Variants in UBAC2 observed in about 807,000 individuals in gnomAD.
The protein encoded by UBAC2 is ubiquitin-associated domain-containing protein 2.
In UBAC2, 26 loss-of-function variants were observed where a neutral mutation model predicts 44.0. The observed-to-expected ratio is 0.59, with a 90% CI of 0.43 to 0.82. The LOEUF is 0.82. Ranked by LOEUF, UBAC2 falls within the 40% of genes least tolerant of loss-of-function variation. The pLI, the probability that UBAC2 is intolerant of heterozygous loss-of-function variation, is 0.00. For synonymous variants in UBAC2, 155 were observed against 154.3 expected, an observed-to-expected ratio of 1.00 and a Z score of -0.04; for missense variants, 329 against 419.4, an observed-to-expected ratio of 0.78 and a Z score of 1.88.
intron 8 of UBAC2, among the ~76,000 whole-genome samples, chr13:99,376,477 G>C (rs528789229): frequency 6.6e-6 from 1 of 152,212 alleles, no homozygotes; most frequent in Non-Finnish European, 1.5e-5. Context: ...CTTCATCCCC[G>C]TGAGGGCGGA....
At chr13:99,270,855 A>G (rs1370910480) in intron 4 of UBAC2, among the ~76,000 whole-genome samples, 2 of 152,258 alleles carry the variant, frequency 1.3e-5, no homozygotes, top group African/African-American at 4.8e-5. Context: ...GGAAGAGAAT[A>G]GCTTGACACT....
Position 99,201,694 on chromosome 13 carries a change from A to G in UBAC2, c.31+755A>G, listed in dbSNP as rs1172003377. The G allele has an allele frequency of 2.0e-5, 20 of 1,003,394 alleles. No homozygotes were observed. The South Asian group carries it at 3.0e-4, about 15-fold the overall frequency. 62.2% of individuals were successfully genotyped at this position (1,003,394 alleles called of 1,614,324 possible). A position where few individuals can be genotyped will look rare whatever the true frequency, so the allele number is the denominator to read the frequency against. ...GGGTACAGCAACGGAGAACAGCTCT[A>G]ATTTTGCAATTGCTTGTCACTGTTC... On this transcript the variant is annotated intron_variant, in intron 1 of 8. Transcript: ENST00000403766.
At chr13:99,290,016 G>A (rs1231903129) in intron 4 of UBAC2, among the ~76,000 whole-genome samples, 1 of 152,156 alleles carries the variant, frequency 6.6e-6, no homozygotes, top group Admixed American at 6.5e-5. Flanking sequence ...CTGAGGACCT[G>A]GAACATATCT....
intron 7 of UBAC2, among the ~76,000 whole-genome samples, chr13:99,363,280 T>C (rs2045289271): frequency 6.6e-6 from 1 of 152,214 alleles, no homozygotes; most frequent in Admixed American, 6.5e-5. Flanking sequence ...AGAAATCCTT[T>C]CTTATATTTC....
At chr13:99,225,891 T>A (rs1353757786) in intron 1 of UBAC2, among the ~76,000 whole-genome samples, 1 of 152,238 alleles carries the variant, frequency 6.6e-6, no homozygotes, top group Non-Finnish European at 1.5e-5. Context: ...CAGCGTTTAT[T>A]TTTTAGTGGC....
At chr13:99,345,770 T>C (rs562382504) in intron 7 of UBAC2, among the ~76,000 whole-genome samples, 377 of 143,362 alleles carry the variant, frequency 2.6e-3, no homozygotes, top group African/African-American at 9.3e-3. Flanking sequence ...TGAGACAGAG[T>C]CTTGCTCTGT....
intron 2 of UBAC2, among the ~76,000 whole-genome samples, chr13:99,242,493 GC>G (rs1191851595): frequency 1.6e-4 from 22 of 139,978 alleles, no homozygotes; most frequent in Non-Finnish European, 3.3e-4. Flanking sequence ...GGGGCGGCTG[GC>G]CGGGCGGGGG....
intron 4 of UBAC2, among the ~76,000 whole-genome samples, chr13:99,281,686 A>G (rs1192108666): frequency 6.6e-6 from 1 of 152,216 alleles, no homozygotes; most frequent in Non-Finnish European, 1.5e-5. Flanking sequence ...TTCTTGTCTC[A>G]CTTATGTCTT....
At chr13:99,254,641 A>G in intron 4 of UBAC2, 1 of 407,148 alleles carries the variant, frequency 2.5e-6, no homozygotes, top group Non-Finnish European at 4.4e-6. Flanking sequence ...TCGCTTGCAC[A>G]TAGAAATGCA....
chr13:99,206,906 C>T (rs2042879374), intron 1 of UBAC2, among the ~76,000 whole-genome samples: 1 of 152,272 alleles, frequency 6.6e-6, no homozygotes, highest in Non-Finnish European at 1.5e-5. Context: ...CTCCCTCTCT[C>T]TGACTTGTTT....
At chr13:99,223,542 G>GTTTTTTTTTTTTTT (rs145143990) in intron 1 of UBAC2, among the ~76,000 whole-genome samples, 6 of 62,446 alleles carry the variant, frequency 9.6e-5, no homozygotes, top group East Asian at 5.1e-4. Context: ...CTCTTTTTCT[G>GTTTTTTTTTTTTTT]TTTTTTTTTT....
chr13:99,296,028 G>A, intron 4 of UBAC2: 2 of 1,614,112 alleles, frequency 1.2e-6, no homozygotes, highest in Non-Finnish European at 1.7e-6. Flanking sequence ...ATGAAGACGA[G>A]GCTGTAATGC....
chr13:99,209,922 C>T (rs4772183), intron 1 of UBAC2, among the ~76,000 whole-genome samples: 37,649 of 151,998 alleles, frequency 0.25, 5,217 homozygotes, highest in South Asian at 0.37. Context: ...TGCAGTGAGC[C>T]GAGATCATGC....
At chr13:99,273,524 A>T (rs1178176869) in intron 4 of UBAC2, among the ~76,000 whole-genome samples, 2 of 152,140 alleles carry the variant, frequency 1.3e-5, no homozygotes, top group African/African-American at 4.8e-5. Flanking sequence ...GAAAGGAAAG[A>T]TGTAGAGGAA....
At chr13:99,330,124 T>C (rs1170835396) in intron 6 of UBAC2, among the ~76,000 whole-genome samples, 1 of 152,110 alleles carries the variant, frequency 6.6e-6, no homozygotes, top group Admixed American at 6.5e-5. Context: ...GTGGAATTGG[T>C]TTTATAAATG....
intron 4 of UBAC2, among the ~76,000 whole-genome samples, chr13:99,308,145 G>A (rs553609827): frequency 6.6e-6 from 1 of 152,264 alleles, no homozygotes; most frequent in Non-Finnish European, 1.5e-5. Context: ...TTATTTGTAG[G>A]CTAAATTACC....
At chr13:99,382,536 C>A (rs2045564643) in intron 8 of UBAC2, among the ~76,000 whole-genome samples, 1 of 152,144 alleles carries the variant, frequency 6.6e-6, no homozygotes, top group Non-Finnish European at 1.5e-5. Context: ...CCTGGTGAGA[C>A]CACACCCGTG....
At chr13:99,261,187 A>G (rs1469888681) in intron 4 of UBAC2, among the ~76,000 whole-genome samples, 1 of 152,200 alleles carries the variant, frequency 6.6e-6, no homozygotes, top group Admixed American at 6.5e-5. Context: ...GTTACTGTTC[A>G]TGTATCCCAG....
In UBAC2 at chr13:99,356,067, G is replaced by A. The variant is rs1594164641; in HGVS notation, c.808-11720G>A. ...CAGTAAGATCAGCTGTGCTAGGTAT[G>A]TCAGGCCTCTGAAAAGAAATGTCAT... is the stretch of plus-strand genomic sequence containing the variant. On this transcript the variant is annotated intron_variant, in intron 7 of 8. Transcript: ENST00000403766. 1.8e-4 allele frequency: 90 copies of A among 493,104 alleles called. 2 individuals are homozygous for A. Among genetic ancestry groups the A allele is most frequent in the South Asian group, 1.3e-3 (88 of 68,656 alleles). The allele number at this position is 493,104 out of a possible 1,614,324, so 30.5% of individuals were successfully genotyped here.
Sources: allele counts gnomAD v4.1 joint callset (sites outside exome capture counted in the v4.1 genomes callset), GRCh38; gene constraint gnomAD v4.1.1; transcripts MANE v1.5; gene names NCBI Gene and HGNC (gene_info 2026-07-23, HGNC 2026-07-21).